Variants in NTRK2 observed in about 807,000 individuals in gnomAD.
NTRK2 encodes BDNF/NT-3 growth factors receptor.
A neutral mutation model predicts 94.5 loss-of-function variants in NTRK2; 13 were observed. The ratio of observed to expected loss-of-function variants is 0.14; its 90% CI spans 0.09 to 0.22. The LOEUF is 0.22. NTRK2 is among the 10% of genes least tolerant of loss of function. NTRK2 has a pLI of 1.00. For synonymous variants in NTRK2, 372 were observed against 407.4 expected, an observed-to-expected ratio of 0.91 and a Z score of 1.05; for missense variants, 639 against 1,071.2, an observed-to-expected ratio of 0.60 and a Z score of 5.63.
intron 7 of NTRK2, 94 bp from the exon 8 acceptor site, chr9:84,724,130 C>T: frequency 7.8e-7 from 1 of 1,281,188 alleles, no homozygotes; most frequent in Middle Eastern, 2.2e-4. Context: ...GCTATATATA[C>T]ATATTTTCTC....
intron 15 of NTRK2, among the ~76,000 whole-genome samples, chr9:84,941,910 C>T (rs1388645501): frequency 1.3e-5 from 2 of 152,180 alleles, no homozygotes; most frequent in Non-Finnish European, 2.9e-5. Flanking sequence ...AGAACTTAAC[C>T]TCCTGTTTCC....
At chr9:84,704,576 C>T (rs2060932197) in intron 4 of NTRK2, among the ~76,000 whole-genome samples, 1 of 152,070 alleles carries the variant, frequency 6.6e-6, no homozygotes, top group Admixed American at 6.5e-5. Context: ...AATATCTCTC[C>T]CTAGCTTTCA....
chr9:85,014,345 C>G (rs558531329), intron 17 of NTRK2, among the ~76,000 whole-genome samples: 2 of 152,256 alleles, frequency 1.3e-5, no homozygotes, highest in South Asian at 4.2e-4. Context: ...TCCACGTATA[C>G]CTGGAAAACG....
At chr9:84,709,798 T>C (rs1349466981) in intron 5 of NTRK2, among the ~76,000 whole-genome samples, 1 of 152,144 alleles carries the variant, frequency 6.6e-6, no homozygotes, top group Non-Finnish European at 1.5e-5. Context: ...TTTTTTTCCT[T>C]GTGGTTTTTA....
At chr9:84,880,359 A>G (rs1006651132) in intron 14 of NTRK2, among the ~76,000 whole-genome samples, 1 of 152,178 alleles carries the variant, frequency 6.6e-6, no homozygotes, top group African/African-American at 2.4e-5. Context: ...GGCCAAGGGA[A>G]CACAGTGTCT....
intron 15 of NTRK2, among the ~76,000 whole-genome samples, chr9:84,937,097 A>G (rs2078238490): frequency 6.6e-6 from 1 of 152,194 alleles, no homozygotes; most frequent in African/African-American, 2.4e-5. Flanking sequence ...TTGAAAGTGT[A>G]TTCAAAGACT....
intron 17 of NTRK2, among the ~76,000 whole-genome samples, chr9:85,008,760 G>A (rs1004289494): frequency 6.6e-6 from 1 of 152,132 alleles, no homozygotes; most frequent in African/African-American, 2.4e-5. Flanking sequence ...AATGTACCTG[G>A]ACCACAGCGT....
chr9:84,851,200 C>T (rs746776448), intron 12 of NTRK2, among the ~76,000 whole-genome samples: 6 of 152,092 alleles, frequency 3.9e-5, no homozygotes, highest in Non-Finnish European at 8.8e-5. Flanking sequence ...AAATCGCCCC[C>T]GTTTGAGAAC....
chr9:84,920,946 G>A (rs142900751), intron 14 of NTRK2, among the ~76,000 whole-genome samples: 28 of 152,210 alleles, frequency 1.8e-4, no homozygotes, highest in East Asian at 5.8e-4. Context: ...TAATCTACTC[G>A]GAATATTTGA....
chr9:84,923,026 C>T (rs750515191), intron 14 of NTRK2, among the ~76,000 whole-genome samples: 6 of 152,192 alleles, frequency 3.9e-5, no homozygotes, highest in Non-Finnish European at 8.8e-5. Context: ...TGGGATGCCT[C>T]CAAAAATATT....
Position 84,670,565 on chromosome 9 carries a change from G to T in NTRK2, c.-184G>T. The T allele has an allele frequency of 3.1e-6, 2 of 650,168 alleles. No individual in the cohort carries two copies. The highest frequency in any genetic ancestry group is 3.6e-5 in the South Asian group (2 of 55,250). 40.3% of individuals were successfully genotyped at this position (650,168 alleles called of 1,614,324 possible). A position where few individuals can be genotyped will look rare whatever the true frequency, so the allele number is the denominator to read the frequency against. ...TGCCGGGGCCACTGTGAACCCTGCC[G>T]CCTGCCGGAACACTCTTCGCTCCGG... On this transcript the variant is annotated 5_prime_UTR_variant, in exon 2 of 19. Coordinates refer to ENST00000277120, the MANE Select transcript of NTRK2 (RefSeq NM_006180.6).
chr9:84,833,797 C>T (rs1379435321), intron 12 of NTRK2, among the ~76,000 whole-genome samples: 2 of 152,196 alleles, frequency 1.3e-5, no homozygotes, highest in African/African-American at 4.8e-5. Flanking sequence ...AACTCACTGA[C>T]ACTTTATTTC....
At chr9:84,855,584 T>A (rs1326358984) in intron 12 of NTRK2, among the ~76,000 whole-genome samples, 95 of 150,424 alleles carry the variant, frequency 6.3e-4, no homozygotes, top group Admixed American at 1.5e-3. Flanking sequence ...CAAGCATATT[T>A]TTTTTTTTTT....
chr9:84,964,493 G>T (rs150953417), intron 17 of NTRK2, among the ~76,000 whole-genome samples: 2 of 152,272 alleles, frequency 1.3e-5, no homozygotes, highest in East Asian at 1.9e-4. Context: ...TCACATGCAC[G>T]CACTGATCAG....
intron 17 of NTRK2, among the ~76,000 whole-genome samples, chr9:84,964,886 G>A (rs1825372440): frequency 6.6e-6 from 1 of 152,200 alleles, no homozygotes; most frequent in Admixed American, 6.5e-5. Flanking sequence ...CCAGTGAACT[G>A]CCTACAAGCT....
chr9:84,932,763 G>T (rs2078082596), intron 14 of NTRK2, among the ~76,000 whole-genome samples: 1 of 152,128 alleles, frequency 6.6e-6, no homozygotes, highest in African/African-American at 2.4e-5. Flanking sequence ...AGAGGTCTTT[G>T]GTGGTCAAAG....
At chr9:84,849,052 A>G (rs1358265949) in intron 12 of NTRK2, among the ~76,000 whole-genome samples, 2 of 152,204 alleles carry the variant, frequency 1.3e-5, no homozygotes, top group African/African-American at 2.4e-5. Context: ...GAGTCTTTTT[A>G]TAAGATAAAA....
At chr9:84,813,379 T>C in intron 12 of NTRK2, 3 of 1,056,360 alleles carry the variant, frequency 2.8e-6, no homozygotes, top group Non-Finnish European at 3.4e-6. Flanking sequence ...GGCTCAATTA[T>C]TTTTAAAACA....
intron 12 of NTRK2, among the ~76,000 whole-genome samples, chr9:84,831,086 T>C (rs914122701): frequency 2.6e-5 from 4 of 152,240 alleles, no homozygotes; most frequent in African/African-American, 7.2e-5. Context: ...ATGTGTTTGA[T>C]ATTTTCCTAG....
Sources: gnomAD v4.1 joint callset for allele counts (sites outside exome capture counted in the v4.1 genomes callset) on GRCh38, gnomAD v4.1.1 for gene constraint, MANE v1.5 for transcripts, NCBI Gene and HGNC (gene_info 2026-07-23, HGNC 2026-07-21) for gene names.